Variants in CAPN5 observed in about 807,000 individuals in gnomAD.
CAPN5 encodes calpain-5.
In CAPN5, 54 loss-of-function variants were observed where a neutral mutation model predicts 73.0. The ratio of observed to expected loss-of-function variants is 0.74; its 90% confidence interval spans 0.59 to 0.93. CAPN5 has a LOEUF of 0.93. Ranked by LOEUF, CAPN5 falls within the 40% of genes least tolerant of loss-of-function variation. The pLI is 0.00. For synonymous variants in CAPN5, 335 were observed against 356.9 expected, an observed-to-expected ratio of 0.94 and a Z score of 0.69; for missense variants, 785 against 882.9, an observed-to-expected ratio of 0.89 and a Z score of 1.41.
intron 3 of CAPN5, among the ~76,000 whole-genome samples, chr11:77,099,972 G>A (rs959793117): frequency 2.9e-4 from 44 of 152,124 alleles, no homozygotes; most frequent in Non-Finnish European, 5.3e-4. Flanking sequence ...GAGTAGCTGG[G>A]ATTACAGGCG....
chr11:77,096,184 C>T (rs920508256), intron 3 of CAPN5, among the ~76,000 whole-genome samples: 1 of 152,142 alleles, frequency 6.6e-6, no homozygotes, highest in African/African-American at 2.4e-5. Flanking sequence ...CCTGCCCTCC[C>T]CACCTCACAC....
In CAPN5 at chr11:77,123,781, C is replaced by T. The variant is rs1950547778; in HGVS notation, c.1834C>T (p.Leu612Phe). ...DNLQALHTLH[L>F]RDRNSRQPSN... ...CCTCCAGGCCCTGCATACCCTCCAC[C>T]TCCGGGACCGAAATAGCCGGCAGCC... The change falls in exon 13 of 13, where the codon CTC becomes TTC. Residue 612 changes from leucine (L) to phenylalanine (F), a missense_variant. Physicochemically the swap from Leu to Phe is conservative, Grantham distance 22 (BLOSUM62 0). Transcript: ENST00000648180. 6.2e-7 allele frequency: 1 copy of T among 1,613,980 alleles called. No homozygotes were observed. The highest frequency in any genetic ancestry group is 8.5e-7 in the Non-Finnish European group (1 of 1,180,010).
intron 3 of CAPN5, among the ~76,000 whole-genome samples, chr11:77,104,717 G>T (rs1363327740): frequency 8.5e-5 from 13 of 152,226 alleles, no homozygotes; most frequent in African/African-American, 3.1e-4. Flanking sequence ...CCAGCCCTGT[G>T]TTTTGTCCTC....
chr11:77,083,170 AG>A (rs1196668025), intron 1 of CAPN5, among the ~76,000 whole-genome samples: 59 of 152,302 alleles, frequency 3.9e-4, no homozygotes, highest in African/African-American at 1.4e-3. Context: ...GCACTCCAGC[AG>A]GCCCAGTATG....
chr11:77,122,729 A>G lies in CAPN5; in HGVS notation c.1740+17A>G, dbSNP rs1555043133. 3 of 1,612,270 alleles carry G rather than the reference A, an allele frequency of 1.9e-6. No individual in the cohort carries two copies. The highest frequency in any genetic ancestry group is 2.7e-5 in the African/African-American group (2 of 74,902). ...ACTGTACAGGTGAGCCCCCTGGTCC[A>G]GAGGCCACCTCCTGGGCTCCTAGCC... On this transcript the variant is annotated intron_variant, in intron 12 of 12. Coordinates refer to ENST00000648180, the MANE Select transcript of CAPN5 (RefSeq NM_004055.5).
chr11:77,087,169 A>G (rs1950096376), intron 2 of CAPN5, among the ~76,000 whole-genome samples: 1 of 152,124 alleles, frequency 6.6e-6, no homozygotes, highest in Non-Finnish European at 1.5e-5. Flanking sequence ...GATTTCCTAA[A>G]CCATGTGTGT....
intron 1 of CAPN5, among the ~76,000 whole-genome samples, chr11:77,069,280 G>A (rs1489944342): frequency 1.3e-5 from 2 of 152,148 alleles, no homozygotes; most frequent in East Asian, 1.9e-4. Flanking sequence ...GTCACTGAAC[G>A]CATCTTTCTA....
At chr11:77,112,515 C>A in intron 3 of CAPN5, 74 bp from the exon 4 acceptor site, 7 of 1,152,884 alleles carry the variant, frequency 6.1e-6, no homozygotes, top group South Asian at 3.7e-5. Flanking sequence ...TGGAAGCACA[C>A]GCCCCCATTT....
chr11:77,096,997 C>T (rs533677744), intron 3 of CAPN5, among the ~76,000 whole-genome samples: 15 of 152,112 alleles, frequency 9.9e-5, no homozygotes, highest in African/African-American at 2.9e-4. Context: ...CTGAGGTGGG[C>T]GGATCACGAG....
In CAPN5 at chr11:77,107,184, G is replaced by A. The variant is rs572666940; in HGVS notation, c.298-5405G>A. On this transcript the variant is annotated intron_variant, in intron 3 of 12. Transcript: ENST00000648180. Reference sequence around the variant, plus strand: ...CTCCTGCAGTCATGGCATCTGAAACGGGGAGTTTGAGAGTCTTGGAATCAG... The same window carrying A: ...CTCCTGCAGTCATGGCATCTGAAACAGGGAGTTTGAGAGTCTTGGAATCAG... Among the ~76,000 whole-genome samples the A allele has an allele frequency of 3.2e-4, 49 of 152,312 alleles. No individual in the cohort carries two copies. The South Asian group carries it at 7.0e-3, about 22-fold the overall frequency.
At chr11:77,084,338 G>T (rs998290968) in intron 1 of CAPN5, among the ~76,000 whole-genome samples, 2 of 152,204 alleles carry the variant, frequency 1.3e-5, no homozygotes, top group Non-Finnish European at 2.9e-5. Context: ...TGTGAGGAAG[G>T]CAGCATGGTG....
In CAPN5 at chr11:77,123,914, G is replaced by C; in HGVS notation, c.*44G>C. ...GCTCTGACCGTTCCCACCACCATCT[G>C]CATGTCCCCACTGGGCCTGAGTCTA... On this transcript the variant is annotated 3_prime_UTR_variant, in exon 13 of 13. Coordinates refer to ENST00000648180, the MANE Select transcript of CAPN5 (RefSeq NM_004055.5). 6.3e-7 allele frequency: 1 copy of C among 1,578,914 alleles called. No individual in the cohort carries two copies. The highest frequency in any genetic ancestry group is 1.1e-5 in the South Asian group (1 of 87,518).
chr11:77,120,683 G>A (rs781935545), intron 9 of CAPN5, 30 bp from the exon 10 acceptor site: 30 of 1,551,480 alleles, frequency 1.9e-5, no homozygotes, highest in East Asian at 9.0e-5. Flanking sequence ...GTGTGTCTCC[G>A]CGTGGCCCAG....
chr11:77,107,074 G>A (rs1417707691), intron 3 of CAPN5, among the ~76,000 whole-genome samples: 1 of 152,230 alleles, frequency 6.6e-6, no homozygotes, highest in Non-Finnish European at 1.5e-5. Flanking sequence ...GCCACTCTGT[G>A]GTGCATCGAC....
At chr11:77,104,193 AGACT>A (rs1463923202) in intron 3 of CAPN5, among the ~76,000 whole-genome samples, 3 of 152,162 alleles carry the variant, frequency 2.0e-5, no homozygotes, top group Non-Finnish European at 4.4e-5. Flanking sequence ...CTGAGCTAGG[AGACT>A]GCAGTTCAGA....
chr11:77,070,747 A>G (rs4945139), intron 1 of CAPN5, among the ~76,000 whole-genome samples: 86,259 of 151,898 alleles, frequency 0.57, 24,809 homozygotes, highest in Middle Eastern at 0.67. Flanking sequence ...AGTCTAATGG[A>G]GCTAAAATCC....
chr11:77,085,123 C>A, intron 2 of CAPN5, 72 bp downstream of exon 2: 2 of 1,385,494 alleles, frequency 1.4e-6, no homozygotes, highest in Non-Finnish European at 2.0e-6. Flanking sequence ...CCTGCAGGGA[C>A]ATCGGGGTGG....
At chr11:77,107,536 CAG>C (rs1308956313) in intron 3 of CAPN5, among the ~76,000 whole-genome samples, 1 of 152,156 alleles carries the variant, frequency 6.6e-6, no homozygotes, top group Admixed American at 6.5e-5. Flanking sequence ...CACAGCTGGG[CAG>C]AGAGTCCTGT....
chr11:77,095,255 G>GCCACCACCT (rs71043543), intron 3 of CAPN5, among the ~76,000 whole-genome samples: 48,008 of 151,804 alleles, frequency 0.32, 7,855 homozygotes, highest in East Asian at 0.53. Context: ...TGGGTGTAGG[G>GCCACCACCT]CCAGTCCTCA....
Sources: gnomAD v4.1 joint callset for allele counts (sites outside exome capture counted in the v4.1 genomes callset) on GRCh38, gnomAD v4.1.1 for gene constraint, MANE v1.5 for transcripts, NCBI Gene and HGNC (gene_info 2026-07-23, HGNC 2026-07-21) for gene names.